Variants in SCARB2 observed in about 807,000 individuals in gnomAD.
SCARB2 encodes lysosome membrane protein 2.
A neutral mutation model predicts 58.6 loss-of-function variants in SCARB2; 29 were observed. The observed-to-expected ratio is 0.49, with a 90% CI of 0.37 to 0.67. The LOEUF is 0.67. Among genes scored for constraint, SCARB2 ranks in the 30% least tolerant of loss-of-function variants. SCARB2 has a pLI of 0.00. For missense variants in SCARB2, 488 were observed against 578.5 expected (o/e 0.84, Z 1.60); for synonymous variants, 195 against 210.1 (o/e 0.93, Z 0.62).
chr4:76,195,671 G>GT, intron 2 of SCARB2, 36 bp downstream of exon 2: 2 of 1,599,720 alleles, frequency 1.3e-6, no homozygotes, highest in Non-Finnish European at 1.7e-6. Flanking sequence ...GGGTCACTCT[G>GT]TATTTCTTTC....
chr4:76,200,662 A>G (rs1411511308), intron 1 of SCARB2, among the ~76,000 whole-genome samples: 2 of 152,220 alleles, frequency 1.3e-5, no homozygotes. Context: ...TCAGCCTAAC[A>G]AACAGCTTAT....
chr4:76,218,870 G>A (rs959315214), intron 1 of SCARB2, among the ~76,000 whole-genome samples: 1 of 152,172 alleles, frequency 6.6e-6, no homozygotes, highest in Admixed American at 6.5e-5. Context: ...TCTGCTACTT[G>A]TACATAGTAC....
intron 9 of SCARB2, chr4:76,166,994 C>T (rs1298440977): frequency 6.6e-6 from 1 of 152,412 alleles, no homozygotes; most frequent in African/African-American, 2.4e-5. Flanking sequence ...GTAAACAAGC[C>T]AAGTTTTATA....
intron 1 of SCARB2, among the ~76,000 whole-genome samples, chr4:76,206,410 A>G (rs1160906161): frequency 2.6e-5 from 4 of 152,052 alleles, no homozygotes; most frequent in African/African-American, 9.7e-5. Flanking sequence ...GAACATCCAC[A>G]TGTTTCAAGA....
rs553389773 is a variant in SCARB2, at chr4:76,213,570, G to A, written c.-27C>T. The A allele has an allele frequency of 3.8e-6, 6 of 1,582,690 alleles. No individual in the cohort carries two copies. Among genetic ancestry groups the A allele is most frequent in the African/African-American group, 1.3e-5 (1 of 74,228 alleles). ...CTGTGCGCCGCTCACGGGCCGGGCC[G>A]GGCCGCACCCGCCAGGGATCCAACT... On this transcript the variant is annotated 5_prime_UTR_variant, in exon 1 of 12. Transcript: ENST00000264896.
intron 2 of SCARB2, among the ~76,000 whole-genome samples, chr4:76,186,492 C>G (rs1266624825): frequency 6.6e-6 from 1 of 152,024 alleles, no homozygotes; most frequent in African/African-American, 2.4e-5. Flanking sequence ...GCTGAGGAGC[C>G]TCTACCCTTA....
intron 1 of SCARB2, among the ~76,000 whole-genome samples, chr4:76,211,137 C>T (rs1180318806): frequency 1.3e-5 from 2 of 152,138 alleles, no homozygotes; most frequent in East Asian, 3.8e-4. Context: ...GAGACAAATC[C>T]AGGTTTTGTG....
intron 7 of SCARB2, 27 bp downstream of exon 7, chr4:76,174,115 CCT>C: frequency 1.2e-6 from 2 of 1,612,356 alleles, no homozygotes; most frequent in Non-Finnish European, 1.7e-6. Flanking sequence ...TCTTGACACC[CCT>C]ATCATGTCCC....
intron 1 of SCARB2, among the ~76,000 whole-genome samples, chr4:76,196,486 T>G (rs538965977): frequency 6.6e-6 from 1 of 152,294 alleles, no homozygotes; most frequent in East Asian, 1.9e-4. Flanking sequence ...CCTGCTGGCT[T>G]TGTTATTTTT....
intron 2 of SCARB2, among the ~76,000 whole-genome samples, chr4:76,181,694 A>T (rs940578204): frequency 2.0e-5 from 3 of 152,080 alleles, no homozygotes; most frequent in Non-Finnish European, 4.4e-5. Context: ...CCTCCCAAGT[A>T]GCTAGAAGTA....
intron 1 of SCARB2, among the ~76,000 whole-genome samples, chr4:76,212,299 G>A (rs1305923640): frequency 6.6e-6 from 1 of 152,048 alleles, no homozygotes; most frequent in African/African-American, 2.4e-5. Flanking sequence ...TCTTCCCTTG[G>A]CAATGTGAAC....
At position 76,159,249 on chromosome 4, in the gene SCARB2, G is replaced by A. The variant is rs1178746582; in HGVS notation, c.*2464C>T. ...AGTGCTTACAATCACAAAGCCTTTG[G>A]GGGTCTTTCTAAGATAACTGCCGCA... On this transcript the variant is annotated 3_prime_UTR_variant, in exon 12 of 12. Transcript: ENST00000264896. 2.0e-5 allele frequency: 3 copies of A among 152,114 alleles called. No individual in the cohort carries two copies. 9.4% of individuals were successfully genotyped at this position (152,114 alleles called of 1,614,324 possible).
intron 2 of SCARB2, chr4:76,193,705 C>A (rs1010911206): frequency 5.3e-5 from 8 of 152,180 alleles, no homozygotes; most frequent in Non-Finnish European, 1.0e-4. Context: ...TGCTGATACA[C>A]CCATTGTATC....
chr4:76,191,453 C>T (rs1732603816), intron 2 of SCARB2, among the ~76,000 whole-genome samples: 1 of 152,100 alleles, frequency 6.6e-6, no homozygotes, highest in South Asian at 2.1e-4. Context: ...TTAGTGCTGT[C>T]CTCGAGATAG....
rs1560708654 is a variant in SCARB2, at chr4:76,175,914, T to C, written c.705-4A>G. The C allele has an allele frequency of 6.2e-7, 1 of 1,613,554 alleles. No individual in the cohort carries two copies. Among genetic ancestry groups the C allele is most frequent in the South Asian group, 1.1e-5 (1 of 91,076 alleles). On this transcript the variant is annotated splice_region_variant and splice_polypyrimidine_tract_variant and intron_variant, in intron 5 of 11. Coordinates refer to ENST00000264896, the MANE Select transcript of SCARB2 (RefSeq NM_005506.4). ...TGTTATCCACCAGTCAAGTGACCTA[T>C]AATTGATAAGCACAAGAAAGAGTAA...
At chr4:76,193,891 G>A (rs915585261) in intron 2 of SCARB2, 5 of 152,204 alleles carry the variant, frequency 3.3e-5, no homozygotes, top group African/African-American at 1.2e-4. Flanking sequence ...AAATTTGGAG[G>A]CCAGGGGTGG....
intron 2 of SCARB2, among the ~76,000 whole-genome samples, chr4:76,190,496 G>A (rs1732581785): frequency 6.6e-6 from 1 of 152,128 alleles, no homozygotes; most frequent in Non-Finnish European, 1.5e-5. Context: ...TATAAATCAT[G>A]GGAGTGGCCA....
At chr4:76,223,867 A>C (rs1025195355) in intron 1 of SCARB2, among the ~76,000 whole-genome samples, 3 of 152,060 alleles carry the variant, frequency 2.0e-5, no homozygotes, top group Non-Finnish European at 4.4e-5. Flanking sequence ...GTCTCCCTGG[A>C]CTATTGAAGA....
intron 2 of SCARB2, among the ~76,000 whole-genome samples, chr4:76,182,989 A>AG (rs1290688530): frequency 6.6e-6 from 1 of 152,218 alleles, no homozygotes; most frequent in African/African-American, 2.4e-5. Flanking sequence ...AACCATCATA[A>AG]GTCAAGGACT....
Sources: gnomAD v4.1 joint callset for allele counts (sites outside exome capture counted in the v4.1 genomes callset) on GRCh38, gnomAD v4.1.1 for gene constraint, MANE v1.5 for transcripts, NCBI Gene and HGNC (gene_info 2026-07-23, HGNC 2026-07-21) for gene names.